Variants in CNTNAP2 observed in about 807,000 individuals in gnomAD.
The protein encoded by CNTNAP2 is contactin associated protein 2.
A neutral mutation model predicts 155.2 loss-of-function variants in CNTNAP2; 98 were observed. The ratio of observed to expected loss-of-function variants is 0.63; its 90% CI spans 0.54 to 0.75. CNTNAP2 has a LOEUF of 0.75. Ranked by LOEUF, CNTNAP2 falls within the 30% of genes least tolerant of loss-of-function variation. CNTNAP2 has a pLI of 0.00. For missense variants in CNTNAP2, 1,727 were observed against 1,688.1 expected, an observed-to-expected ratio of 1.02 and a Z score of -0.40; for synonymous variants, 651 against 631.2, an observed-to-expected ratio of 1.03 and a Z score of -0.47.
intron 1 of CNTNAP2, among the ~76,000 whole-genome samples, chr7:146,497,372 T>C (rs1292328379): frequency 6.6e-6 from 1 of 152,172 alleles, no homozygotes; most frequent in Non-Finnish European, 1.5e-5. Flanking sequence ...TTGAAGGTAA[T>C]GTATTTTCAA....
At chr7:146,137,649 T>G (rs1252541115) in intron 1 of CNTNAP2, among the ~76,000 whole-genome samples, 1 of 152,078 alleles carries the variant, frequency 6.6e-6, no homozygotes, top group East Asian at 1.9e-4. Flanking sequence ...ATGGAAGAGT[T>G]ATTTTCAATT....
chr7:146,203,284 A>G (rs1798896037), intron 1 of CNTNAP2, among the ~76,000 whole-genome samples: 1 of 152,224 alleles, frequency 6.6e-6, no homozygotes, highest in Non-Finnish European at 1.5e-5. Flanking sequence ...ACCACTTCAG[A>G]AGTCAACAGA....
intron 18 of CNTNAP2, among the ~76,000 whole-genome samples, chr7:148,216,596 C>T (rs1294889549): frequency 2.6e-5 from 4 of 152,162 alleles, no homozygotes; most frequent in African/African-American, 4.8e-5. Flanking sequence ...CCTGACAATT[C>T]GTTCCTTGGT....
chr7:147,584,040 CAG>C (rs1175348460), intron 12 of CNTNAP2, among the ~76,000 whole-genome samples: 2 of 152,056 alleles, frequency 1.3e-5, no homozygotes, highest in African/African-American at 4.8e-5. Flanking sequence ...CTTTTGTAGA[CAG>C]AGAGAACCAT....
At chr7:146,967,633 A>T (rs925287355) in intron 3 of CNTNAP2, among the ~76,000 whole-genome samples, 12 of 152,078 alleles carry the variant, frequency 7.9e-5, no homozygotes, top group South Asian at 4.1e-4. Flanking sequence ...TGTATAAGAA[A>T]GCTTGTGATT....
At chr7:147,195,524 A>C (rs945362070) in intron 8 of CNTNAP2, among the ~76,000 whole-genome samples, 2 of 152,148 alleles carry the variant, frequency 1.3e-5, no homozygotes, top group Admixed American at 6.5e-5. Flanking sequence ...CAGTATGGCT[A>C]ATTTCACAAT....
intron 1 of CNTNAP2, among the ~76,000 whole-genome samples, chr7:146,526,114 T>C (rs1049913481): frequency 2.0e-5 from 3 of 151,904 alleles, no homozygotes; most frequent in Non-Finnish European, 4.4e-5. Context: ...AACAGAAAAA[T>C]TGGAGTTAAT....
At chr7:146,412,680 C>T (rs1267572772) in intron 1 of CNTNAP2, among the ~76,000 whole-genome samples, 6 of 152,180 alleles carry the variant, frequency 3.9e-5, no homozygotes, top group Non-Finnish European at 7.3e-5. Context: ...GGTGCCTTAT[C>T]TATGAGGCGG....
rs181301630 is a variant in CNTNAP2, at chr7:147,173,693, T to A, written c.1348+41184T>A. ...TGCTGATATTCTGAAGTAGCCAGAG[T>A]GATTTCTCCACCCTAAATAAAACTT... On this transcript the variant is annotated intron_variant, in intron 8 of 23. Transcript: ENST00000361727. Among the ~76,000 whole-genome samples the A allele has an allele frequency of 2.7e-3, 404 of 152,168 alleles. 11 individuals carry two copies. The highest frequency in any genetic ancestry group is 9.7e-4 in the East Asian group (5 of 5,168).
chr7:147,050,299 A>G (rs1381165691), intron 4 of CNTNAP2, among the ~76,000 whole-genome samples: 1 of 152,222 alleles, frequency 6.6e-6, no homozygotes, highest in East Asian at 1.9e-4. Flanking sequence ...ATTCATTTTA[A>G]AAAGCCAAAC....
chr7:146,903,613 C>T, intron 3 of CNTNAP2, among the ~76,000 whole-genome samples: 1 of 152,198 alleles, frequency 6.6e-6, no homozygotes, highest in East Asian at 1.9e-4. Flanking sequence ...TGACCTCTCT[C>T]TATCCTCCTG....
intron 1 of CNTNAP2, among the ~76,000 whole-genome samples, chr7:146,285,072 T>C (rs1033434826): frequency 9.9e-5 from 15 of 152,214 alleles, no homozygotes; most frequent in Non-Finnish European, 2.2e-4. Context: ...TGGACATTTA[T>C]ACAAAACATT....
chr7:147,037,701 A>G (rs1799182964), intron 3 of CNTNAP2, among the ~76,000 whole-genome samples: 1 of 152,008 alleles, frequency 6.6e-6, no homozygotes, highest in Non-Finnish European at 1.5e-5. Flanking sequence ...CCTGATTTGA[A>G]AAAATAGCAT....
chr7:146,834,083 T>C (rs1221893158), intron 2 of CNTNAP2, among the ~76,000 whole-genome samples: 1 of 152,042 alleles, frequency 6.6e-6, no homozygotes, highest in Admixed American at 6.6e-5. Flanking sequence ...CTAATTGAAT[T>C]TTTTTTTCAC....
intron 21 of CNTNAP2, among the ~76,000 whole-genome samples, chr7:148,356,695 T>C (rs1050697284): frequency 2.0e-5 from 3 of 152,038 alleles, no homozygotes; most frequent in Non-Finnish European, 4.4e-5. Flanking sequence ...GAAAACCAGG[T>C]TTTAGAAGTA....
In CNTNAP2 at chr7:148,415,467, A is replaced by G. The variant is rs762608780; in HGVS notation, c.3847A>G (p.Ile1283Val). The G allele has an allele frequency of 1.2e-6, 2 of 1,614,172 alleles. No individual in the cohort carries two copies. The highest frequency in any genetic ancestry group is 3.3e-5 in the Admixed American group (2 of 60,028). The change falls in exon 24 of 24, where the codon ATC becomes GTC. Residue 1283 changes from isoleucine to valine, a missense_variant. Physicochemically the swap from Ile to Val is conservative, Grantham distance 29. Transcript: ENST00000361727. ...FTILCTLVFL[I>V]RYMFRHKGTY... ...CATCCTGTGCACCCTGGTCTTCCTG[A>G]TCCGGTACATGTTCCGCCACAAGGG...
chr7:147,154,874 A>T (rs1182108830), intron 8 of CNTNAP2, among the ~76,000 whole-genome samples: 1 of 152,150 alleles, frequency 6.6e-6, no homozygotes, highest in African/African-American at 2.4e-5. Context: ...ATATAGTTAG[A>T]TTATGTCTTC....
chr7:146,804,245 C>T (rs1045325522), intron 2 of CNTNAP2, among the ~76,000 whole-genome samples: 3 of 152,044 alleles, frequency 2.0e-5, no homozygotes, highest in Admixed American at 1.3e-4. Flanking sequence ...AAGCAAAAAC[C>T]GACTGATATT....
chr7:147,507,362 AC>A (rs1798924366), intron 11 of CNTNAP2, among the ~76,000 whole-genome samples: 1 of 151,972 alleles, frequency 6.6e-6, no homozygotes, highest in South Asian at 2.1e-4. Context: ...CAGCTAAGTA[AC>A]CCAAGGAGGT....
Sources: allele counts gnomAD v4.1 joint callset (sites outside exome capture counted in the v4.1 genomes callset), GRCh38; gene constraint gnomAD v4.1.1; transcripts MANE v1.5; gene names NCBI Gene and HGNC (gene_info 2026-07-23, HGNC 2026-07-21).